The following DENND2B variants were observed in gnomAD, a reference collection of about 807,000 sequenced individuals.
The protein encoded by DENND2B is DENN domain containing 2B, also known as DENN domain-containing protein 2B.
In DENND2B, 32 loss-of-function variants were observed where a neutral mutation model predicts 116.0. The observed-to-expected ratio is 0.28, with a 90% confidence interval of 0.21 to 0.37. The LOEUF is 0.37. Ranked by LOEUF, DENND2B falls within the 10% of genes least tolerant of loss-of-function variation. The pLI, the probability that DENND2B is intolerant of heterozygous loss-of-function variation, is 1.00. For synonymous variants in DENND2B, 588 were observed against 583.9 expected (o/e 1.01, Z -0.10); for missense variants, 1,276 against 1,477.7 (o/e 0.86, Z 2.24).
upstream of DENND2B, chr11:8,811,364 C>A: frequency 2.5e-6 from 1 of 398,562 alleles, no homozygotes; most frequent in South Asian, 1.3e-4. Flanking sequence ...ACAACTCGGT[C>A]AGGACCAGGA....
At chr11:8,855,226 AAGAAG>A (rs903866830) in intron 3 of DENND2B, among the ~76,000 whole-genome samples, 7 of 151,748 alleles carry the variant, frequency 4.6e-5, no homozygotes, top group African/African-American at 1.2e-4. Flanking sequence ...GAGAAAAGAA[AAGAAG>A]AGAACAGCAA....
At chr11:8,771,373 C>T (rs905488506) in intron 1 of DENND2B, among the ~76,000 whole-genome samples, 2 of 151,914 alleles carry the variant, frequency 1.3e-5, no homozygotes, top group Non-Finnish European at 2.9e-5. Flanking sequence ...CTCACACTAC[C>T]AGCATGCAGG....
chr11:8,695,481 T>C lies in DENND2B; in HGVS notation c.3361A>G (p.Lys1121Glu). 1 of 1,613,898 alleles carries C rather than the reference T, an allele frequency of 6.2e-7. No individual in the cohort carries two copies. The highest frequency in any genetic ancestry group is 8.5e-7 in the Non-Finnish European group (1 of 1,179,994). The change falls in exon 19 of 20, where the codon AAG (lysine) becomes GAG (glutamate). Residue 1121 changes from lysine to glutamate, a missense_variant. Lys to Glu is a moderately conservative substitution (Grantham distance 56). Transcript: ENST00000313726. ...CACTTACCCAAACCTCGGAGAAACT[T>C]ATTCATTCCACTCTGCTCAGTGTCT... ...LPDTEQSGMNKFLRGLGNKMK... is the reference protein window; with the variant it reads ...LPDTEQSGMNEFLRGLGNKMK...
At chr11:8,844,070 C>T (rs909574131) in intron 3 of DENND2B, among the ~76,000 whole-genome samples, 5 of 152,174 alleles carry the variant, frequency 3.3e-5, no homozygotes, top group East Asian at 1.9e-4. Context: ...GTAGTAAAGA[C>T]GTACTTTCTG....
intron 2 of DENND2B, among the ~76,000 whole-genome samples, chr11:8,863,485 G>A (rs959885827): frequency 2.6e-5 from 4 of 151,872 alleles, no homozygotes; most frequent in African/African-American, 7.3e-5. Flanking sequence ...CGCTCGCCTC[G>A]GCCTCCTAAA....
chr11:8,725,357 T>C (rs2046904977), intron 4 of DENND2B, among the ~76,000 whole-genome samples: 1 of 142,608 alleles, frequency 7.0e-6, no homozygotes, highest in Non-Finnish European at 1.5e-5. Context: ...ATTCTAACAA[T>C]AACCTTATGA....
intron 1 of DENND2B, among the ~76,000 whole-genome samples, chr11:8,751,610 G>A (rs1052956982): frequency 3.3e-5 from 5 of 152,068 alleles, no homozygotes; most frequent in Admixed American, 6.6e-5. Flanking sequence ...AACATCAGAA[G>A]GAACAAACTA....
chr11:8,893,542 C>A (rs558993808), intron 1 of DENND2B, among the ~76,000 whole-genome samples: 1 of 152,340 alleles, frequency 6.6e-6, no homozygotes, highest in East Asian at 1.9e-4. Flanking sequence ...TAAGCAACTT[C>A]AGCAAAGTCT....
At chr11:8,799,513 T>C (rs2060125057) in intron 1 of DENND2B, among the ~76,000 whole-genome samples, 2 of 151,738 alleles carry the variant, frequency 1.3e-5, no homozygotes, top group Admixed American at 6.6e-5. Context: ...TTGTCTCACA[T>C]GTCCTAGCTA....
chr11:8,761,284 T>A (rs146863966), intron 1 of DENND2B, among the ~76,000 whole-genome samples: 104 of 152,314 alleles, frequency 6.8e-4, no homozygotes, highest in Non-Finnish European at 7.5e-4. Flanking sequence ...TCTCAGCAAG[T>A]GGCTTATCCT....
upstream of DENND2B, among the ~76,000 whole-genome samples, chr11:8,872,850 C>G (rs1232940640): frequency 6.6e-6 from 1 of 152,200 alleles, no homozygotes; most frequent in African/African-American, 2.4e-5. Flanking sequence ...AAAATCAGAA[C>G]AGTTTTACTT....
chr11:8,789,173 A>G (rs2059162262), intron 1 of DENND2B, among the ~76,000 whole-genome samples: 1 of 152,222 alleles, frequency 6.6e-6, no homozygotes, highest in African/African-American at 2.4e-5. Flanking sequence ...ATTCAGTGGT[A>G]AAAAAGGAAG....
intron 1 of DENND2B, among the ~76,000 whole-genome samples, chr11:8,905,198 T>C (rs2064220641): frequency 6.6e-6 from 1 of 152,156 alleles, no homozygotes; most frequent in South Asian, 2.1e-4. Context: ...GACAGACATA[T>C]AGATCAATAG....
intron 5 of DENND2B, 133 bp from the exon 6 acceptor site, chr11:8,715,951 A>G (rs530177700): frequency 1.3e-6 from 1 of 783,766 alleles, no homozygotes; most frequent in South Asian, 1.9e-5. Context: ...TGGAACTTCC[A>G]TCCCTCTCTT....
At chr11:8,859,294 TTTTGTTTGTTTG>T in intron 2 of DENND2B, among the ~76,000 whole-genome samples, 1 of 151,702 alleles carries the variant, frequency 6.6e-6, no homozygotes, top group South Asian at 2.1e-4. Context: ...TAACGTGTTT[TTTTGTTTGTTTG>T]TTTGTTTGTT....
intron 4 of DENND2B, chr11:8,832,024 G>A (rs1179806901): frequency 1.3e-5 from 2 of 152,110 alleles, no homozygotes; most frequent in Non-Finnish European, 2.9e-5. Context: ...CCTCACAAAA[G>A]GTATCTGCCA....
chr11:8,820,339 T>A (rs1335766266), intron 4 of DENND2B, among the ~76,000 whole-genome samples: 1 of 152,196 alleles, frequency 6.6e-6, no homozygotes, highest in African/African-American at 2.4e-5. Context: ...AAATAGTAAA[T>A]GGGATATGGC....
rs138061233 is a variant in DENND2B at position 8,734,290 on chromosome 11, T to C, written c.81-3081A>G. 8.5e-5 allele frequency among the ~76,000 whole-genome samples: 13 copies of C among 152,314 alleles called. 1 individual carries two copies. The highest frequency in any genetic ancestry group is 5.9e-4 in the Admixed American group (9 of 15,306). ...TTGTCATATTGAGCCAATGAGACCA[T>C]GGATGCAAAATGCTCATTATCATTA... On this transcript the variant is annotated intron_variant, in intron 2 of 19. Coordinates refer to ENST00000313726, the MANE Select transcript of DENND2B (RefSeq NM_213618.2).
intron 7 of DENND2B, 50 bp from the exon 8 acceptor site, chr11:8,714,092 T>C (rs2044279365): frequency 3.1e-6 from 5 of 1,598,992 alleles, no homozygotes; most frequent in Non-Finnish European, 4.3e-6. Context: ...ACAGCCAATG[T>C]TTTTTGCTCC....
Sources: gnomAD v4.1 joint callset for allele counts (sites outside exome capture counted in the v4.1 genomes callset) on GRCh38, gnomAD v4.1.1 for gene constraint, MANE v1.5 for transcripts, NCBI Gene and HGNC (gene_info 2026-07-23, HGNC 2026-07-21) for gene names.